The following RYR2 variants were observed in gnomAD, a reference collection of about 807,000 sequenced individuals.
RYR2 encodes cardiac muscle ryanodine receptor-calcium release channel.
RYR2 carries 227 observed loss-of-function variants against 601.1 expected under a neutral mutation model. The observed-to-expected ratio is 0.38, with a 90% CI of 0.34 to 0.42. RYR2 has a LOEUF of 0.42. Among genes scored for constraint, RYR2 ranks in the 10% least tolerant of loss-of-function variants. The pLI is 1.00. For missense variants in RYR2, 4,646 were observed against 6,156.5 expected (o/e 0.75, Z 8.21); for synonymous variants, 2,223 against 2,175.1 (o/e 1.02, Z -0.61).
At chr1:237,363,552 A>G (rs1699957485) in intron 4 of RYR2, among the ~76,000 whole-genome samples, 1 of 152,098 alleles carries the variant, frequency 6.6e-6, no homozygotes, top group African/African-American at 2.4e-5. Flanking sequence ...GGACTTAGAC[A>G]TCAACCTGAC....
At chr1:237,713,608 A>C (rs972639177) in intron 71 of RYR2, among the ~76,000 whole-genome samples, 2 of 152,158 alleles carry the variant, frequency 1.3e-5, no homozygotes, top group Non-Finnish European at 2.9e-5. Flanking sequence ...CATATTGGCC[A>C]GGCTGGTCTC....
chr1:237,781,053 C>T (rs184696336), intron 88 of RYR2, among the ~76,000 whole-genome samples: 14 of 148,866 alleles, frequency 9.4e-5, no homozygotes, highest in South Asian at 2.1e-4. Flanking sequence ...GGTACAAATA[C>T]TTTTTTTTTT....
chr1:237,057,191 CTTCTT>C (rs938419848), intron 1 of RYR2, among the ~76,000 whole-genome samples: 1 of 151,880 alleles, frequency 6.6e-6, no homozygotes, highest in Non-Finnish European at 1.5e-5. Context: ...ACTGAGGAAA[CTTCTT>C]TTTTTTTTGG....
At chr1:237,630,581 T>A (rs1680143148) in intron 41 of RYR2, among the ~76,000 whole-genome samples, 1 of 152,164 alleles carries the variant, frequency 6.6e-6, no homozygotes, top group Non-Finnish European at 1.5e-5. Flanking sequence ...GAAGTTTCAA[T>A]TTTCTCATAG....
chr1:237,795,625 A>ATTATTTT, intron 96 of RYR2, among the ~76,000 whole-genome samples: 1 of 149,956 alleles, frequency 6.7e-6, no homozygotes, highest in African/African-American at 2.4e-5. Flanking sequence ...TAATTTTTGT[A>ATTATTTT]TTTTTAGTCG....
At chr1:237,588,120 G>T (rs113000548) in intron 29 of RYR2, among the ~76,000 whole-genome samples, 1,587 of 152,224 alleles carry the variant, frequency 0.01, 14 homozygotes, top group Middle Eastern at 0.034. Flanking sequence ...TGTCACAGCT[G>T]CAGATACAGC....
At chr1:237,212,166 A>T (rs899250627) in intron 1 of RYR2, among the ~76,000 whole-genome samples, 2 of 152,190 alleles carry the variant, frequency 1.3e-5, no homozygotes, top group South Asian at 2.1e-4. Flanking sequence ...TAATACAGAA[A>T]ATATTAGGTT....
intron 100 of RYR2, among the ~76,000 whole-genome samples, chr1:237,810,901 TAA>T (rs2149452384): frequency 6.6e-6 from 1 of 152,194 alleles, no homozygotes; most frequent in Non-Finnish European, 1.5e-5. Flanking sequence ...ATATACACAA[TAA>T]TTCATATTTT....
At chr1:237,100,325 A>G (rs1316697102) in intron 1 of RYR2, among the ~76,000 whole-genome samples, 1 of 151,466 alleles carries the variant, frequency 6.6e-6, no homozygotes, top group African/African-American at 2.4e-5. Flanking sequence ...GGTGGACTCA[A>G]TCTCGCTTCT....
chr1:237,433,433 AT>A, intron 12 of RYR2, among the ~76,000 whole-genome samples: 1 of 152,276 alleles, frequency 6.6e-6, no homozygotes, highest in Non-Finnish European at 1.5e-5. Flanking sequence ...CTGCAATTAT[AT>A]AATAAAGCAG....
intron 55 of RYR2, 54 bp downstream of exon 55, chr1:237,660,128 G>A: frequency 1.0e-6 from 1 of 1,004,192 alleles, no homozygotes; most frequent in Non-Finnish European, 1.4e-6. Flanking sequence ...TTTGAAAAAT[G>A]TGTTTTTTGG....
intron 100 of RYR2, 79 bp from the exon 101 acceptor site, chr1:237,818,957 T>C (rs951440250): frequency 7.7e-7 from 1 of 1,300,602 alleles, no homozygotes; most frequent in Non-Finnish European, 1.1e-6. Context: ...GATTAGGAAC[T>C]ACAGAGATAA....
chr1:237,821,180 G>C (rs1274233713), intron 101 of RYR2, among the ~76,000 whole-genome samples: 3 of 152,110 alleles, frequency 2.0e-5, no homozygotes, highest in Admixed American at 2.0e-4. Context: ...CTCTAATAAG[G>C]GAAAGACTGC....
Position 237,042,390 on chromosome 1 carries a change from C to G in RYR2, c.-132C>G. 1.1e-6 allele frequency: 1 copy of G among 904,220 alleles called. No homozygotes were observed. The highest frequency in any genetic ancestry group is 4.3e-5 in the East Asian group (1 of 23,516). The allele number at this position is 904,220 out of a possible 1,614,324, so 56.0% of individuals were successfully genotyped here. ...CTGCAGGCGGGGACCGCCCGGCGCT[C>G]GGCACCCGGCAGCGCGGCCCCCTCC... is the stretch of plus-strand genomic sequence containing the variant. On this transcript the variant is annotated 5_prime_UTR_variant, in exon 1 of 105. Transcript: ENST00000366574.
At chr1:237,483,439 G>T (rs1317997872) in intron 17 of RYR2, among the ~76,000 whole-genome samples, 1 of 152,134 alleles carries the variant, frequency 6.6e-6, no homozygotes, top group African/African-American at 2.4e-5. Flanking sequence ...CATAGAGGTG[G>T]ACACTGGAGC....
chr1:237,524,564 A>G (rs1441568860), intron 24 of RYR2, among the ~76,000 whole-genome samples: 1 of 152,180 alleles, frequency 6.6e-6, no homozygotes, highest in Non-Finnish European at 1.5e-5. Flanking sequence ...TAACTTTGCT[A>G]TTCTGCAGAA....
intron 35 of RYR2, among the ~76,000 whole-genome samples, chr1:237,604,756 CAG>C (rs1676914004): frequency 1.3e-5 from 2 of 152,246 alleles, no homozygotes; most frequent in African/African-American, 4.8e-5. Flanking sequence ...ATCAATCCCA[CAG>C]AAATACAAAC....
At chr1:237,643,925 G>A (rs1681853690) in intron 48 of RYR2, among the ~76,000 whole-genome samples, 1 of 152,016 alleles carries the variant, frequency 6.6e-6, no homozygotes, top group Non-Finnish European at 1.5e-5. Flanking sequence ...TTTTTCCATT[G>A]TTTTTAAAGC....
intron 1 of RYR2, among the ~76,000 whole-genome samples, chr1:237,118,200 G>T (rs2490386): frequency 0.56 from 84,631 of 152,116 alleles, 24,857 homozygotes; most frequent in African/African-American, 0.74. Context: ...AATTTATTAC[G>T]TCTTTGAGAA....
Sources: gnomAD v4.1 joint callset for allele counts (sites outside exome capture counted in the v4.1 genomes callset) on GRCh38, gnomAD v4.1.1 for gene constraint, MANE v1.5 for transcripts, NCBI Gene and HGNC (gene_info 2026-07-23, HGNC 2026-07-21) for gene names.